Variants in USP38 observed in about 807,000 individuals in gnomAD.
USP38 encodes the protein ubiquitin carboxyl-terminal hydrolase 38.
USP38 carries 49 observed loss-of-function variants against 94.3 expected under a neutral mutation model. The ratio of observed to expected loss-of-function variants is 0.52; its 90% CI spans 0.41 to 0.66. The LOEUF (loss-of-function observed/expected upper bound fraction) is 0.66. Among genes scored for constraint, USP38 ranks in the 30% least tolerant of loss-of-function variants. The pLI is 0.00. For synonymous variants in USP38, 468 were observed against 463.6 expected, an observed-to-expected ratio of 1.01 and a Z score of -0.12; for missense variants, 1,128 against 1,229.4, an observed-to-expected ratio of 0.92 and a Z score of 1.23.
chr4:143,209,441 G>A, intron 6 of USP38, 123 bp from the exon 7 acceptor site: 1 of 550,278 alleles, frequency 1.8e-6, no homozygotes, highest in Non-Finnish European at 3.1e-6. Flanking sequence ...GGTGAGCTGA[G>A]ATTGTGCCAC....
intron 1 of USP38, among the ~76,000 whole-genome samples, chr4:143,186,686 G>A (rs1238787691): frequency 6.6e-6 from 1 of 152,054 alleles, no homozygotes; most frequent in Admixed American, 6.5e-5. Flanking sequence ...ATAGAATGAG[G>A]GAAGGAAGAG....
chr4:143,206,248 T>A, intron 6 of USP38, 22 bp downstream of exon 6: 1 of 1,533,842 alleles, frequency 6.5e-7, no homozygotes, highest in African/African-American at 1.4e-5. Context: ...CTTGAATCTT[T>A]TCATTTTAAC....
At chr4:143,203,859 T>C (rs1041564809) in intron 5 of USP38, among the ~76,000 whole-genome samples, 1 of 152,200 alleles carries the variant, frequency 6.6e-6, no homozygotes, top group Non-Finnish European at 1.5e-5. Context: ...GTTAAGTTAA[T>C]GCATACATCA....
intron 2 of USP38, among the ~76,000 whole-genome samples, chr4:143,195,038 A>G (rs987713201): frequency 9.9e-5 from 15 of 151,746 alleles, no homozygotes; most frequent in African/African-American, 3.1e-4. Context: ...TTCTCTTTGT[A>G]TAGTCGGATT....
At chr4:143,205,527 C>A (rs1731835291) in intron 5 of USP38, among the ~76,000 whole-genome samples, 1 of 152,100 alleles carries the variant, frequency 6.6e-6, no homozygotes, top group Admixed American at 6.6e-5. Flanking sequence ...TAGATGCTTT[C>A]ATTTCTCATT....
In USP38 at chr4:143,214,350, T is replaced by A; in HGVS notation, c.2374T>A (p.Leu792Met). 1 of 1,613,484 alleles carries A rather than the reference T, an allele frequency of 6.2e-7. No homozygotes were observed. Among genetic ancestry groups the A allele is most frequent in the Non-Finnish European group, 8.5e-7 (1 of 1,179,776 alleles). The change falls in exon 9 of 10, where the codon TTG becomes ATG. Residue 792 changes from leucine (L) to methionine (M), a missense_variant. Coordinates refer to ENST00000307017, the MANE Select transcript of USP38 (RefSeq NM_032557.6). ...DNVSLPLVLE[L>M]PVKRITSFSS... ...TGTATCACTGCCACTGGTTTTGGAG[T>A]TGCCAGTTAAAAGAATTACTTCTTT...
At position 143,214,497 on chromosome 4, in the gene USP38, C is replaced by G. The variant is rs372611247; in HGVS notation, c.2521C>G (p.Leu841Val). ...TTCCTGCACAAAATTGGTGCCCTATCTATTAAGTTCCGTTGTGGTTCACTC... is the reference window on the plus strand; with the variant it reads ...TTCCTGCACAAAATTGGTGCCCTATGTATTAAGTTCCGTTGTGGTTCACTC... ...EASCTKLVPYLLSSVVVHSGI... is the reference protein window; with the variant it reads ...EASCTKLVPYVLSSVVVHSGI... Residue 841 changes from leucine (L) to valine (V), a missense_variant, in exon 9 of 10, where the codon CTA (leucine) becomes GTA (valine). Transcript: ENST00000307017. The G allele has an allele frequency of 3.3e-5, 53 of 1,613,258 alleles. No homozygotes were observed. Among genetic ancestry groups the G allele is most frequent in the Admixed American group, 2.3e-4 (14 of 59,870 alleles).
At chr4:143,219,333 A>T (rs1020125487) in intron 9 of USP38, among the ~76,000 whole-genome samples, 16 of 152,258 alleles carry the variant, frequency 1.1e-4, no homozygotes, top group African/African-American at 3.8e-4. Context: ...TTTTCTTCAT[A>T]ACGAAAAATT....
chr4:143,203,589 A>T (rs200701347), intron 5 of USP38, 23 bp downstream of exon 5: 409 of 1,596,946 alleles, frequency 2.6e-4, no homozygotes, highest in Non-Finnish European at 3.4e-4. Context: ...TTGTACCAAT[A>T]TTTGTGGAGT....
At chr4:143,204,434 G>A in intron 5 of USP38, 2 of 449,236 alleles carry the variant, frequency 4.5e-6, no homozygotes, top group Non-Finnish European at 8.9e-6. Flanking sequence ...CTGTTGCCCA[G>A]GCTGAAGTGC....
At chr4:143,208,176 T>A (rs1280819717) in intron 6 of USP38, among the ~76,000 whole-genome samples, 1 of 152,138 alleles carries the variant, frequency 6.6e-6, no homozygotes, top group Non-Finnish European at 1.5e-5. Context: ...GCAATACAGA[T>A]CCGTGTCATT....
intron 2 of USP38, among the ~76,000 whole-genome samples, chr4:143,189,034 AAGC>A (rs1376238599): frequency 6.6e-6 from 1 of 152,092 alleles, no homozygotes; most frequent in African/African-American, 2.4e-5. Flanking sequence ...TTTGAAAAAA[AAGC>A]AGACAAAAAG....
chr4:143,187,603 T>G (rs1302688947), intron 1 of USP38, among the ~76,000 whole-genome samples: 1 of 152,210 alleles, frequency 6.6e-6, no homozygotes, highest in Non-Finnish European at 1.5e-5. Flanking sequence ...ATTTCAGTAT[T>G]CTGTCTATAG....
Position 143,214,274 on chromosome 4 carries a change from G to A in USP38, c.2298G>A (p.Leu766=), listed in dbSNP as rs1487345368. Residue 766 remains leucine (L), a synonymous_variant, in exon 9 of 10, where the codon CTG becomes CTA. Coordinates refer to ENST00000307017, the MANE Select transcript of USP38 (RefSeq NM_032557.6). ...EEPEYLILTL[L]RFSYDQKYHV... Reference sequence around the variant, plus strand: ...CTGAATACCTTATTCTTACTCTCCTGAGATTTTCATATGATCAGAAGTATC... The same window carrying A: ...CTGAATACCTTATTCTTACTCTCCTAAGATTTTCATATGATCAGAAGTATC... The A allele has an allele frequency of 6.2e-6, 10 of 1,613,212 alleles. No homozygotes were observed. Among genetic ancestry groups the A allele is most frequent in the Non-Finnish European group, 8.5e-6 (10 of 1,179,702 alleles).
In USP38 at chr4:143,209,371, G is replaced by A. The variant is rs545790283; in HGVS notation, c.1404-193G>A. On this transcript the variant is annotated intron_variant, in intron 6 of 9. Coordinates refer to ENST00000307017, the MANE Select transcript of USP38 (RefSeq NM_032557.6). The stretch of plus-strand genomic sequence containing the variant: ...TGCTTTTAAATGGCCAGGCACAGTG[G>A]CTTATGCCTGTAATTCCAGCACTTT... Among the ~76,000 whole-genome samples, 9 of 152,028 alleles carry A rather than the reference G, an allele frequency of 5.9e-5. No individual in the cohort carries two copies. The East Asian group carries it at 1.7e-3, about 29-fold the overall frequency.
intron 4 of USP38, among the ~76,000 whole-genome samples, chr4:143,199,920 T>C (rs1731663142): frequency 6.6e-6 from 1 of 152,222 alleles, no homozygotes; most frequent in Non-Finnish European, 1.5e-5. Context: ...TCCCATTCCG[T>C]AGGTTGTCTG....
chr4:143,215,111 A>G (rs1170328025), intron 9 of USP38, 168 bp downstream of exon 9: 1 of 672,452 alleles, frequency 1.5e-6, no homozygotes, highest in African/African-American at 1.8e-5. Flanking sequence ...CCTTTCTAAT[A>G]TTGTGACAAT....
At chr4:143,216,654 A>AT (rs1732193016) in intron 9 of USP38, among the ~76,000 whole-genome samples, 1 of 151,712 alleles carries the variant, frequency 6.6e-6, no homozygotes, top group South Asian at 2.1e-4. Context: ...TTTAAAAAAA[A>AT]TTTTTTAAAG....
chr4:143,216,586 C>T (rs1732187548), intron 9 of USP38, among the ~76,000 whole-genome samples: 1 of 151,444 alleles, frequency 6.6e-6, no homozygotes, highest in Non-Finnish European at 1.5e-5. Flanking sequence ...GATCCTCCTG[C>T]CTCAGCCTCC....
Sources: allele counts gnomAD v4.1 joint callset (sites outside exome capture counted in the v4.1 genomes callset), GRCh38; gene constraint gnomAD v4.1.1; transcripts MANE v1.5; gene names NCBI Gene and HGNC (gene_info 2026-07-23, HGNC 2026-07-21).